Variants in CDYL observed in about 807,000 individuals in gnomAD.
CDYL encodes the protein chromodomain Y like, also known as chromodomain Y-like protein.
Under a neutral mutation model 47.3 loss-of-function variants are expected in CDYL, and 8 were observed. The ratio of observed to expected loss-of-function variants is 0.17; its 90% CI spans 0.10 to 0.31. The LOEUF is 0.31. CDYL is among the 10% of genes least tolerant of loss of function. CDYL has a pLI of 1.00. For missense variants in CDYL, 471 were observed against 701.4 expected (o/e 0.67, Z 3.71); for synonymous variants, 266 against 265.0 (o/e 1.00, Z -0.04).
At chr6:4,925,170 CACTG>C (rs1051860011) in intron 2 of CDYL, among the ~76,000 whole-genome samples, 30 of 152,280 alleles carry the variant, frequency 2.0e-4, no homozygotes, top group Middle Eastern at 6.8e-3. Flanking sequence ...GTTGTGCATT[CACTG>C]ACTTTCTCCA....
At chr6:4,789,844 G>A (rs1758870975) in intron 1 of CDYL, among the ~76,000 whole-genome samples, 1 of 152,194 alleles carries the variant, frequency 6.6e-6, no homozygotes, top group Non-Finnish European at 1.5e-5. Context: ...ATTCAGAGAA[G>A]TGTAGTTTCC....
chr6:4,743,303 G>C (rs1757830524), intron 3 of CDYL, among the ~76,000 whole-genome samples: 1 of 152,174 alleles, frequency 6.6e-6, no homozygotes, highest in South Asian at 2.1e-4. Context: ...ACTGGAAGCT[G>C]TATTTTTCAT....
intron 5 of CDYL, among the ~76,000 whole-genome samples, chr6:4,951,223 A>G (rs1429489070): frequency 6.6e-6 from 1 of 152,158 alleles, no homozygotes; most frequent in African/African-American, 2.4e-5. Context: ...GTTTTACCAG[A>G]GCCCCAGGAG....
intron 2 of CDYL, among the ~76,000 whole-genome samples, chr6:4,906,542 C>T (rs1757241889): frequency 6.6e-6 from 1 of 152,196 alleles, no homozygotes; most frequent in African/African-American, 2.4e-5. Context: ...CCTTGGAAGG[C>T]ATGACATTGC....
intron 2 of CDYL, among the ~76,000 whole-genome samples, chr6:4,902,333 G>A (rs998567037): frequency 5.9e-5 from 9 of 151,556 alleles, no homozygotes; most frequent in African/African-American, 2.2e-4. Flanking sequence ...TTGAACCCGG[G>A]AGGCAGAGGT....
rs538774488 is a variant in CDYL at position 4,901,176 on chromosome 6, G to A, written c.691+8797G>A. 9.9e-5 allele frequency among the ~76,000 whole-genome samples: 15 copies of A among 152,144 alleles called. No individual in the cohort carries two copies. The South Asian group carries it at 2.9e-3, about 29-fold the overall frequency. On this transcript the variant is annotated intron_variant, in intron 2 of 6. Transcript: ENST00000397588. ...AAAGAAATTTAGATTTCTTAGGTCA[G>A]ATGACATAAAAGGAATATTTCTAAC...
rs370888675 is a variant in CDYL at position 4,833,998 on chromosome 6, A to G, written c.24+57191A>G. On this transcript the variant is annotated intron_variant, in intron 1 of 6. Transcript: ENST00000397588. ...ATGTGAGATGGGTTTCCTGAATACA[A>G]CACACTGATGGGTCTTGACTCTTTA... 3.1e-3 allele frequency among the ~76,000 whole-genome samples: 464 copies of G among 147,592 alleles called. 2 individuals carry two copies. Among genetic ancestry groups the G allele is most frequent in the African/African-American group, 0.012 (435 of 37,304 alleles).
intron 1 of CDYL, among the ~76,000 whole-genome samples, chr6:4,778,996 C>T (rs1758541757): frequency 2.0e-5 from 3 of 152,260 alleles, no homozygotes; most frequent in South Asian, 4.1e-4. Flanking sequence ...TACATGAGAA[C>T]ATATGTAAAG....
intron 3 of CDYL, among the ~76,000 whole-genome samples, chr6:4,751,781 A>G (rs889846083): frequency 7.2e-5 from 11 of 152,270 alleles, no homozygotes. Flanking sequence ...TAGAAGAAGA[A>G]ACCATACTTA....
chr6:4,834,976 T>C (rs1323647125), intron 1 of CDYL, among the ~76,000 whole-genome samples: 4 of 152,214 alleles, frequency 2.6e-5, no homozygotes, highest in Admixed American at 2.0e-4. Flanking sequence ...TACATTCGTC[T>C]AAATTTTTTT....
intron 2 of CDYL, among the ~76,000 whole-genome samples, chr6:4,923,068 T>A (rs1186725092): frequency 6.6e-6 from 1 of 152,352 alleles, no homozygotes; most frequent in East Asian, 1.9e-4. Context: ...ATTTATCATT[T>A]CTTTATTTTG....
intron 2 of CDYL, among the ~76,000 whole-genome samples, chr6:4,734,243 C>T (rs1021069666): frequency 2.6e-5 from 4 of 152,212 alleles, no homozygotes; most frequent in African/African-American, 9.6e-5. Flanking sequence ...CAGTCAAACT[C>T]TCTCTCTGGG....
chr6:4,888,028 T>C (rs906418501), intron 1 of CDYL, among the ~76,000 whole-genome samples: 1 of 152,162 alleles, frequency 6.6e-6, no homozygotes, highest in Non-Finnish European at 1.5e-5. Flanking sequence ...AAACCAGCCT[T>C]GCATTTTTGG....
chr6:4,749,774 G>T (rs147292761), intron 3 of CDYL, among the ~76,000 whole-genome samples: 1 of 152,142 alleles, frequency 6.6e-6, no homozygotes, highest in Non-Finnish European at 1.5e-5. Context: ...TGTGTTAAAC[G>T]CCAGGTGACT....
intron 3 of CDYL, among the ~76,000 whole-genome samples, chr6:4,753,933 C>T (rs948725655): frequency 6.6e-6 from 1 of 152,084 alleles, no homozygotes; most frequent in East Asian, 1.9e-4. Context: ...AATGTTCTTA[C>T]CCCCTTTTTC....
intron 3 of CDYL, among the ~76,000 whole-genome samples, chr6:4,760,968 G>T (rs1381640456): frequency 1.3e-5 from 2 of 151,922 alleles, no homozygotes; most frequent in African/African-American, 4.8e-5. Flanking sequence ...AATTTAGCAT[G>T]TTCTCAATTT....
chr6:4,883,012 C>T (rs1467091145), intron 1 of CDYL, among the ~76,000 whole-genome samples: 6 of 152,102 alleles, frequency 3.9e-5, no homozygotes, highest in Admixed American at 6.5e-5. Flanking sequence ...CTGTGGGGCC[C>T]GCATTGGTCA....
At chr6:4,904,654 A>G (rs1358529727) in intron 2 of CDYL, among the ~76,000 whole-genome samples, 1 of 152,180 alleles carries the variant, frequency 6.6e-6, no homozygotes, top group Non-Finnish European at 1.5e-5. Context: ...ATGGGAACAC[A>G]CTAGGTTCTC....
chr6:4,817,355 TAAAA>T (rs199750829), intron 1 of CDYL, among the ~76,000 whole-genome samples: 1 of 140,868 alleles, frequency 7.1e-6, no homozygotes, highest in Non-Finnish European at 1.5e-5. Context: ...TTAAGAGAAT[TAAAA>T]AAAAAAAAAA....
Sources: gnomAD v4.1 joint callset for allele counts (sites outside exome capture counted in the v4.1 genomes callset) on GRCh38, gnomAD v4.1.1 for gene constraint, MANE v1.5 for transcripts, NCBI Gene and HGNC (gene_info 2026-07-23, HGNC 2026-07-21) for gene names.